RARB: variants seen among roughly 807,000 people sequenced by gnomAD.
RARB encodes the protein HBV-activated protein.
A neutral mutation model predicts 51.9 loss-of-function variants in RARB; 17 were observed. The ratio of observed to expected loss-of-function variants is 0.33; its 90% CI spans 0.22 to 0.49. The LOEUF (loss-of-function observed/expected upper bound fraction) is 0.49. Ranked by LOEUF, RARB falls within the 20% of genes least tolerant of loss-of-function variation. The probability of loss-of-function intolerance (pLI) is 0.99; values close to 1 mark genes in which losing one functional copy is unlikely to be tolerated. For missense variants in RARB, 369 were observed against 550.8 expected (o/e 0.67, Z 3.30); for synonymous variants, 215 against 195.4 (o/e 1.10, Z -0.84).
At chr3:25,410,921 C>G (rs992934289) in intron 5 of RARB, among the ~76,000 whole-genome samples, 3 of 152,224 alleles carry the variant, frequency 2.0e-5, no homozygotes, top group Admixed American at 6.5e-5. Context: ...CAAAGGTCAG[C>G]CTGTATTTGA....
chr3:25,150,076 C>T (rs980052540), intron 4 of RARB, among the ~76,000 whole-genome samples: 4 of 151,812 alleles, frequency 2.6e-5, no homozygotes, highest in Non-Finnish European at 5.9e-5. Context: ...GTGGTGGGCA[C>T]CTGTAATACC....
chr3:25,215,883 C>T (rs1033251355), intron 5 of RARB, among the ~76,000 whole-genome samples: 9 of 152,172 alleles, frequency 5.9e-5, no homozygotes, highest in African/African-American at 1.9e-4. Flanking sequence ...TGATGTCAGA[C>T]TCTAGTATTT....
At chr3:24,886,786 C>T (rs1703276251) in intron 2 of RARB, among the ~76,000 whole-genome samples, 1 of 152,064 alleles carries the variant, frequency 6.6e-6, no homozygotes, top group Non-Finnish European at 1.5e-5. Context: ...CATAGAAAAG[C>T]TAATGATATC....
exon 1 of RARB, among the ~76,000 whole-genome samples, chr3:24,829,365 G>C (rs889281585): frequency 6.6e-6 from 1 of 151,992 alleles, no homozygotes; most frequent in Non-Finnish European, 1.5e-5. Flanking sequence ...CACAGCCAGC[G>C]GGCGGCGCGC....
chr3:25,014,208 C>A (rs193256050), intron 2 of RARB, among the ~76,000 whole-genome samples: 1 of 152,018 alleles, frequency 6.6e-6, no homozygotes, highest in Non-Finnish European at 1.5e-5. Context: ...ATAACTATGT[C>A]TCTTTTCCCA....
chr3:25,582,752 A>C (rs1340729318), intron 5 of RARB, among the ~76,000 whole-genome samples: 1 of 152,140 alleles, frequency 6.6e-6, no homozygotes. Flanking sequence ...TCCAAGCATT[A>C]GCCATTAGCC....
At chr3:24,918,248 T>A (rs1161076713) in intron 2 of RARB, among the ~76,000 whole-genome samples, 2 of 152,200 alleles carry the variant, frequency 1.3e-5, no homozygotes, top group Admixed American at 6.5e-5. Context: ...TACATGCTGG[T>A]TGAACTGCAA....
chr3:24,976,316 C>G lies in RARB; in HGVS notation c.-379-83809C>G, dbSNP rs142590644. On this transcript the variant is annotated intron_variant, in intron 2 of 11. Transcript: ENST00000383772. ...GGGATTGCTGGGTCAAATGATATTA[C>G]TAGTTCTAGATCCTTGAGGAATCAC... is the stretch of plus-strand genomic sequence containing the variant. 2.2e-3 allele frequency among the ~76,000 whole-genome samples: 332 copies of G among 152,256 alleles called. 1 individual carries two copies. The highest frequency in any genetic ancestry group is 7.2e-3 in the African/African-American group (299 of 41,546).
intron 4 of RARB, among the ~76,000 whole-genome samples, chr3:25,169,247 A>G (rs1174383229): frequency 1.3e-5 from 2 of 152,224 alleles, no homozygotes; most frequent in Non-Finnish European, 2.9e-5. Flanking sequence ...CATGAGTTTC[A>G]GGAAATGGGG....
chr3:25,030,119 T>G (rs1461065884), intron 2 of RARB, among the ~76,000 whole-genome samples: 4 of 152,338 alleles, frequency 2.6e-5, no homozygotes, highest in African/African-American at 4.8e-5. Context: ...GTATTGCTAG[T>G]CAATACCTTT....
At chr3:25,534,920 T>G (rs1190897019) in intron 3 of RARB, among the ~76,000 whole-genome samples, 1 of 152,212 alleles carries the variant, frequency 6.6e-6, no homozygotes, top group African/African-American at 2.4e-5. Context: ...AGATGTGTCA[T>G]TCTGAAGCCC....
At chr3:25,191,477 C>G (rs1338738755) in intron 5 of RARB, among the ~76,000 whole-genome samples, 5 of 152,084 alleles carry the variant, frequency 3.3e-5, no homozygotes, top group Non-Finnish European at 7.4e-5. Context: ...AGGGTGATGC[C>G]TTTGACCAGG....
intron 5 of RARB, among the ~76,000 whole-genome samples, chr3:25,417,540 G>A (rs1319399221): frequency 6.6e-6 from 1 of 152,160 alleles, no homozygotes; most frequent in Non-Finnish European, 1.5e-5. Context: ...GAGTTTCCCT[G>A]CACAAGCTCT....
intron 3 of RARB, among the ~76,000 whole-genome samples, chr3:25,506,478 T>G (rs1559440445): frequency 6.6e-6 from 1 of 151,910 alleles, no homozygotes; most frequent in Non-Finnish European, 1.5e-5. Context: ...AGTGATGGTG[T>G]GGACCTGTGG....
At chr3:25,013,548 G>C (rs1399020794) in intron 2 of RARB, among the ~76,000 whole-genome samples, 2 of 152,014 alleles carry the variant, frequency 1.3e-5, no homozygotes, top group African/African-American at 4.8e-5. Context: ...CCTGGGCTCT[G>C]ACCTCTGATT....
At chr3:25,156,521 A>C (rs1479862157) in intron 4 of RARB, among the ~76,000 whole-genome samples, 1 of 102,608 alleles carries the variant, frequency 9.7e-6, no homozygotes, top group Non-Finnish European at 2.1e-5. Context: ...AACTGCAAAA[A>C]AAAAAAAAAA....
intron 1 of RARB, among the ~76,000 whole-genome samples, chr3:24,836,713 G>C (rs1203629898): frequency 6.6e-6 from 1 of 152,034 alleles, no homozygotes; most frequent in East Asian, 1.9e-4. Flanking sequence ...AGCGAGACAG[G>C]GAATATCCAG....
At chr3:25,577,301 G>T (rs1384427202) in intron 4 of RARB, among the ~76,000 whole-genome samples, 1 of 152,170 alleles carries the variant, frequency 6.6e-6, no homozygotes, top group Non-Finnish European at 1.5e-5. Flanking sequence ...GCATGGGGGC[G>T]CTGTGAAAAG....
intron 5 of RARB, among the ~76,000 whole-genome samples, chr3:25,217,950 C>A (rs1201121052): frequency 6.6e-6 from 1 of 152,126 alleles, no homozygotes; most frequent in African/African-American, 2.4e-5. Context: ...AAGATTTAAG[C>A]CCCATGAATC....
Sources: allele counts gnomAD v4.1 joint callset (sites outside exome capture counted in the v4.1 genomes callset), GRCh38; gene constraint gnomAD v4.1.1; transcripts MANE v1.5; gene names NCBI Gene and HGNC (gene_info 2026-07-23, HGNC 2026-07-21).